The following MLXIPL variants were observed in gnomAD, a reference collection of about 807,000 sequenced individuals.
MLXIPL encodes MLX interacting protein like, also known as carbohydrate-responsive element-binding protein.
MLXIPL carries 49 observed loss-of-function variants against 81.5 expected under a neutral mutation model. The ratio of observed to expected loss-of-function variants is 0.60; its 90% CI spans 0.48 to 0.76. The LOEUF is 0.76. Among genes scored for constraint, MLXIPL ranks in the 30% least tolerant of loss-of-function variants. The pLI is 0.00. For synonymous variants in MLXIPL, 466 were observed against 485.5 expected, an observed-to-expected ratio of 0.96 and a Z score of 0.53; for missense variants, 1,053 against 1,167.0, an observed-to-expected ratio of 0.90 and a Z score of 1.42.
chr7:73,607,137 C>T lies in MLXIPL; in HGVS notation c.574-119G>A, dbSNP rs187623838. ...CCCCATTTCCCATCAGGAGCTCACC[C>T]GACCCCTAGGTAAGGAGGCCGCTAG... is the stretch of plus-strand genomic sequence containing the variant. On this transcript the variant is annotated intron_variant, in intron 4 of 16. Coordinates refer to ENST00000313375, the MANE Select transcript of MLXIPL (RefSeq NM_032951.3). 13 of 1,406,046 alleles carry T rather than the reference C, an allele frequency of 9.2e-6. No individual in the cohort carries two copies. In the East Asian group the frequency reaches 2.7e-4, roughly 30 times the overall value. The allele number at this position is 1,406,046 out of a possible 1,614,324, so 87.1% of individuals were successfully genotyped here. A position where few individuals can be genotyped will look rare whatever the true frequency, so the allele number is the denominator to read the frequency against.
chr7:73,644,526 A>C, the MLXIPL span, among the ~76,000 whole-genome samples: 1 of 152,192 alleles, frequency 6.6e-6, no homozygotes, highest in Admixed American at 6.6e-5. Flanking sequence ...CTCATCTTTA[A>C]AATGGCTATG....
chr7:73,613,521 C>T (rs1554600193), intron 2 of MLXIPL, among the ~76,000 whole-genome samples: 2 of 152,084 alleles, frequency 1.3e-5, no homozygotes, highest in African/African-American at 4.8e-5. Flanking sequence ...ATTGCTTGAA[C>T]TGGGAGGTGA....
rs781933211 is a variant in MLXIPL at position 73,597,181 on chromosome 7, C to G, written c.1603+1G>C. On this transcript the variant is annotated splice_donor_variant, in intron 9 of 16. Coordinates refer to ENST00000313375, the MANE Select transcript of MLXIPL (RefSeq NM_032951.3). LOFTEE classifies it high-confidence loss of function. ...TTCCTCTCCCCGTTGCTGGCCCTCA[C>G]CTGCTGTGAGCAGCTGTGTGAGGCA... The G allele has an allele frequency of 6.2e-7, 1 of 1,601,644 alleles. No homozygotes were observed. Among genetic ancestry groups the G allele is most frequent in the Non-Finnish European group, 8.5e-7 (1 of 1,176,666 alleles).
chr7:73,624,877 G>C (rs1010328924), upstream of MLXIPL, among the ~76,000 whole-genome samples: 1 of 152,048 alleles, frequency 6.6e-6, no homozygotes, highest in Non-Finnish European at 1.5e-5. Flanking sequence ...GAGCAATATG[G>C]CAAGACCCCC....
At chr7:73,631,558 CTTTTTT>C in the MLXIPL span, among the ~76,000 whole-genome samples, 4 of 69,662 alleles carry the variant, frequency 5.7e-5, no homozygotes, top group African/African-American at 1.1e-4. Context: ...GATGTTGCTA[CTTTTTT>C]TTTTTTTTTT....
At chr7:73,602,164 C>CTTCCTTCCTTCCTTCCTTCCT (rs1563487439) in intron 7 of MLXIPL, among the ~76,000 whole-genome samples, 2 of 148,712 alleles carry the variant, frequency 1.3e-5, no homozygotes, top group Non-Finnish European at 3.0e-5. Flanking sequence ...TCCTTCCTTC[C>CTTCCTTCCTTCCTTCCTTCCT]TTTCTTTCCC....
At chr7:73,644,135 C>A in the MLXIPL span, among the ~76,000 whole-genome samples, 1 of 151,976 alleles carries the variant, frequency 6.6e-6, no homozygotes, top group Non-Finnish European at 1.5e-5. Flanking sequence ...TGGTCTCAAG[C>A]AATCCTCCTG....
chr7:73,595,013 T>C (rs1418461281), intron 15 of MLXIPL, among the ~76,000 whole-genome samples: 1 of 152,076 alleles, frequency 6.6e-6, no homozygotes, highest in Non-Finnish European at 1.5e-5. Context: ...GCTTGGCTAA[T>C]TTTTGTATTT....
At chr7:73,604,860 G>C (rs1795157500) in intron 7 of MLXIPL, among the ~76,000 whole-genome samples, 1 of 152,046 alleles carries the variant, frequency 6.6e-6, no homozygotes. Context: ...TGCCTCTCAG[G>C]TTCAAGCAAT....
chr7:73,612,126 G>C (rs1490197364), intron 2 of MLXIPL, among the ~76,000 whole-genome samples: 2 of 152,080 alleles, frequency 1.3e-5, no homozygotes, highest in Non-Finnish European at 2.9e-5. Context: ...AGGAGTTTGA[G>C]ACCAGCCTGA....
intron 6 of MLXIPL, 21 bp downstream of exon 6, chr7:73,605,889 T>A (rs1446924406): frequency 3.3e-6 from 5 of 1,535,978 alleles, no homozygotes; most frequent in East Asian, 5.0e-5. Context: ...CCCTCTCCCC[T>A]GCCCTTTCTC....
rs552633036 is a variant in MLXIPL at position 73,624,194 on chromosome 7, C to T, written c.293+6G>A. 1.7e-4 allele frequency: 262 copies of T among 1,581,556 alleles called. 3 individuals are homozygous for T. In the Admixed American group the frequency reaches 4.6e-3, roughly 27 times the overall value. ...CAAGGCCGTCAGGGCCCGGAACCGC[C>T]CTCACCTGTAGGCCAGGCTCAAGCA... On this transcript the variant is annotated splice_donor_region_variant and intron_variant, in intron 1 of 16. Coordinates refer to ENST00000313375, the MANE Select transcript of MLXIPL (RefSeq NM_032951.3).
At chr7:73,632,981 A>G in the MLXIPL span, among the ~76,000 whole-genome samples, 3 of 151,274 alleles carry the variant, frequency 2.0e-5, no homozygotes, top group Non-Finnish European at 4.4e-5. Flanking sequence ...GGGTTTCCCT[A>G]TGTTAGCCAG....
chr7:73,596,815 G>A lies in MLXIPL; in HGVS notation c.1672-26C>T, dbSNP rs79443147. The stretch of plus-strand genomic sequence containing the variant: ...CTGGGGTGGAGAAGGGCGGAGAGTC[G>A]GGTTGAAGGCCGTGGGCACAGCCCC... On this transcript the variant is annotated intron_variant, in intron 10 of 16. Transcript: ENST00000313375. This position sits in a 1 kb window ranked among gnomAD's most constrained non-coding sequence, Gnocchi z 4.7. The A allele has an allele frequency of 6.0e-3, 9,681 of 1,608,088 alleles. 456 individuals carry two copies. The African/African-American group carries it at 0.11, about 18-fold the overall frequency.
the MLXIPL span, among the ~76,000 whole-genome samples, chr7:73,640,280 C>A: frequency 6.6e-6 from 1 of 151,188 alleles, no homozygotes; most frequent in African/African-American, 2.4e-5. Flanking sequence ...TAGCAAGCAC[C>A]TGTAGTCCCA....
chr7:73,646,769 G>C, the MLXIPL span, among the ~76,000 whole-genome samples: 1 of 152,272 alleles, frequency 6.6e-6, no homozygotes, highest in Non-Finnish European at 1.5e-5. Context: ...GACTTCTCCT[G>C]CATCTGAGGG....
the MLXIPL span, among the ~76,000 whole-genome samples, chr7:73,636,960 T>C: frequency 6.7e-6 from 1 of 149,414 alleles, no homozygotes; most frequent in Non-Finnish European, 1.5e-5. Flanking sequence ...CTCGGGAGGC[T>C]GAGGCAGGAG....
At chr7:73,646,571 C>CTG in the MLXIPL span, among the ~76,000 whole-genome samples, 1 of 152,138 alleles carries the variant, frequency 6.6e-6, no homozygotes, top group Non-Finnish European at 1.5e-5. Flanking sequence ...AGCCAGCAGA[C>CTG]TGTGTCCTTA....
the MLXIPL span, among the ~76,000 whole-genome samples, chr7:73,631,129 C>T: frequency 6.6e-6 from 1 of 152,146 alleles, no homozygotes; most frequent in South Asian, 2.1e-4. Context: ...CTGACTCAGC[C>T]TCCCGAGTAG....
Sources: gnomAD v4.1 joint callset for allele counts (sites outside exome capture counted in the v4.1 genomes callset) on GRCh38, gnomAD v4.1.1 for gene constraint, Gnocchi (gnomAD v3.1) non-coding constraint, MANE v1.5 for transcripts, NCBI Gene and HGNC (gene_info 2026-07-23, HGNC 2026-07-21) for gene names.